The following NREP variants were observed in gnomAD, a reference collection of about 807,000 sequenced individuals.
NREP encodes neuronal regeneration-related protein.
Under a neutral mutation model 8.6 loss-of-function variants are expected in NREP, and 5 were observed. The observed-to-expected ratio is 0.58, with a 90% CI of 0.30 to 1.22. The LOEUF (loss-of-function observed/expected upper bound fraction) is 1.22, where lower values mean the gene tolerates loss of function less well. Among genes scored for constraint, NREP ranks in the 50% most tolerant of loss-of-function variants. The probability of loss-of-function intolerance (pLI) is 0.07; values close to 1 mark genes in which losing one functional copy is unlikely to be tolerated. For synonymous variants in NREP, 27 were observed against 28.0 expected, an observed-to-expected ratio of 0.96 and a Z score of 0.11; for missense variants, 86 against 82.5, an observed-to-expected ratio of 1.04 and a Z score of -0.17.
chr5:111,884,715 C>G (rs150409845), intron 2 of NREP, among the ~76,000 whole-genome samples: 14,894 of 152,140 alleles, frequency 0.098, 1,203 homozygotes, highest in East Asian at 0.25. Context: ...CAGAACCAAA[C>G]ACAAAAACCA....
chr5:111,913,723 G>C (rs760831457), intron 2 of NREP, among the ~76,000 whole-genome samples: 26 of 152,088 alleles, frequency 1.7e-4, no homozygotes, highest in Admixed American at 3.3e-4. Context: ...AAGATTTGTA[G>C]GGAGAAAAAT....
intron 2 of NREP, among the ~76,000 whole-genome samples, chr5:111,801,492 C>T (rs753077691): frequency 3.3e-5 from 5 of 152,160 alleles, no homozygotes; most frequent in Non-Finnish European, 7.3e-5. Context: ...AAAAAAGAGG[C>T]CTTTCATAGT....
chr5:111,865,665 T>C (rs369866571), intron 2 of NREP, among the ~76,000 whole-genome samples: 1 of 152,160 alleles, frequency 6.6e-6, no homozygotes, highest in African/African-American at 2.4e-5. Context: ...TCTTGCAAAA[T>C]CGTAGCTATT....
At chr5:111,751,858 G>A (rs186509865) in intron 2 of NREP, among the ~76,000 whole-genome samples, 164 of 152,242 alleles carry the variant, frequency 1.1e-3, no homozygotes, top group African/African-American at 3.8e-3. Context: ...CTTTGGCTAT[G>A]AGGATATGGC....
At chr5:111,865,785 A>G (rs1365740776) in intron 2 of NREP, among the ~76,000 whole-genome samples, 1 of 152,108 alleles carries the variant, frequency 6.6e-6, no homozygotes, top group African/African-American at 2.4e-5. Flanking sequence ...CGTGGATACA[A>G]AGCACTGAAA....
intron 2 of NREP, among the ~76,000 whole-genome samples, chr5:111,887,010 A>C (rs902546255): frequency 2.0e-5 from 3 of 150,590 alleles, no homozygotes; most frequent in African/African-American, 7.4e-5. Flanking sequence ...AAAAAAAAAA[A>C]CATCCCAGGC....
At chr5:111,912,875 A>C (rs139842476) in intron 2 of NREP, among the ~76,000 whole-genome samples, 485 of 152,260 alleles carry the variant, frequency 3.2e-3, no homozygotes, top group African/African-American at 0.011. Flanking sequence ...CATCGTGCCT[A>C]GGTAAAGTAG....
At chr5:111,863,752 T>G (rs1418724145) in intron 2 of NREP, among the ~76,000 whole-genome samples, 1 of 152,136 alleles carries the variant, frequency 6.6e-6, no homozygotes, top group African/African-American at 2.4e-5. Flanking sequence ...CTTATTCTAA[T>G]TATCTGGTCT....
intron 2 of NREP, among the ~76,000 whole-genome samples, chr5:111,949,673 T>C (rs909429693): frequency 6.6e-6 from 1 of 152,042 alleles, no homozygotes; most frequent in African/African-American, 2.4e-5. Context: ...AGTGAGAACA[T>C]GTGGTGTTTC....
chr5:111,928,776 T>C (rs919324300), intron 2 of NREP, among the ~76,000 whole-genome samples: 1 of 152,208 alleles, frequency 6.6e-6, no homozygotes, highest in East Asian at 1.9e-4. Flanking sequence ...AGAGAGCCCA[T>C]AGACCACAGA....
chr5:111,819,622 G>T (rs1752472160), intron 2 of NREP, among the ~76,000 whole-genome samples: 1 of 152,194 alleles, frequency 6.6e-6, no homozygotes, highest in African/African-American at 2.4e-5. Flanking sequence ...AAAATATGGG[G>T]TTAGGTTCCT....
chr5:111,750,341 A>G (rs1750280733), intron 2 of NREP, among the ~76,000 whole-genome samples: 1 of 152,210 alleles, frequency 6.6e-6, no homozygotes, highest in Non-Finnish European at 1.5e-5. Context: ...TAATAAAAGC[A>G]TAGTACTTAC....
rs1753235769 is a variant in NREP, at chr5:111,848,632, G to C, written c.136-113125C>G. Among the ~76,000 whole-genome samples, 6 of 152,006 alleles carry C rather than the reference G, an allele frequency of 3.9e-5. No homozygotes were observed. In the South Asian group the frequency reaches 1.2e-3, roughly 32 times the overall value. ...AGTGAGTTGTGGATGCTTCCTTTAC[G>C]ATAGACAATTCCCCCCAACCCCCCC... On this transcript the variant is annotated intron_variant, in intron 2 of 3. Coordinates refer to the NREP transcript ENST00000395634.
At chr5:111,911,086 C>T (rs1249830764) in intron 2 of NREP, among the ~76,000 whole-genome samples, 1 of 152,032 alleles carries the variant, frequency 6.6e-6, no homozygotes, top group Non-Finnish European at 1.5e-5. Flanking sequence ...CCAGTGATCT[C>T]AATAACACTC....
intron 2 of NREP, among the ~76,000 whole-genome samples, chr5:111,920,365 C>T (rs112731540): frequency 0.022 from 3,307 of 151,932 alleles, 132 homozygotes; most frequent in African/African-American, 0.074. Context: ...CATATGTATA[C>T]GTGTGTCATG....
intron 2 of NREP, among the ~76,000 whole-genome samples, chr5:111,802,209 G>A (rs1477818176): frequency 6.6e-6 from 1 of 152,070 alleles, no homozygotes; most frequent in Non-Finnish European, 1.5e-5. Flanking sequence ...GAGCCATGAA[G>A]GAAAAATAAG....
At chr5:111,747,186 T>C (rs1220265033) in intron 2 of NREP, among the ~76,000 whole-genome samples, 2 of 152,134 alleles carry the variant, frequency 1.3e-5, no homozygotes, top group Admixed American at 1.3e-4. Flanking sequence ...AGTCAATAAG[T>C]TTTATCCATA....
intron 2 of NREP, among the ~76,000 whole-genome samples, chr5:111,895,193 C>T (rs1411542678): frequency 1.3e-5 from 2 of 152,204 alleles, no homozygotes; most frequent in Non-Finnish European, 2.9e-5. Context: ...AACTTATCCT[C>T]AAACCTTGCT....
chr5:111,809,909 G>A (rs909577689), intron 2 of NREP, among the ~76,000 whole-genome samples: 35 of 137,546 alleles, frequency 2.5e-4, no homozygotes, highest in Non-Finnish European at 4.6e-4. Flanking sequence ...GTGTGTGTGT[G>A]TGTATTCATG....
Sources: allele counts gnomAD v4.1 joint callset (sites outside exome capture counted in the v4.1 genomes callset), GRCh38; gene constraint gnomAD v4.1.1; transcripts MANE v1.5; gene names NCBI Gene and HGNC (gene_info 2026-07-23, HGNC 2026-07-21).